Variants in HS6ST3 observed in about 807,000 individuals in gnomAD.
The protein encoded by HS6ST3 is heparan sulfate 6-O-sulfotransferase 3.
In HS6ST3, 12 loss-of-function variants were observed where a neutral mutation model predicts 36.7. The ratio of observed to expected loss-of-function variants is 0.33; its 90% CI spans 0.21 to 0.53. The LOEUF is 0.53. Among genes scored for constraint, HS6ST3 ranks in the 20% least tolerant of loss-of-function variants. The probability of loss-of-function intolerance (pLI) is 0.95; values close to 1 mark genes in which losing one functional copy is unlikely to be tolerated. For synonymous variants in HS6ST3, 240 were observed against 257.5 expected, an observed-to-expected ratio of 0.93 and a Z score of 0.65; for missense variants, 584 against 640.9, an observed-to-expected ratio of 0.91 and a Z score of 0.96.
chr13:96,374,631 T>TCTTTA (rs1240236781), intron 1 of HS6ST3, among the ~76,000 whole-genome samples: 2 of 152,166 alleles, frequency 1.3e-5, no homozygotes, highest in Non-Finnish European at 2.9e-5. Context: ...ATTAGATGTT[T>TCTTTA]GCCATGGGAT....
intron 1 of HS6ST3, among the ~76,000 whole-genome samples, chr13:96,660,450 G>A (rs2056642440): frequency 6.6e-6 from 1 of 152,074 alleles, no homozygotes; most frequent in South Asian, 2.1e-4. Context: ...TCAATAAATG[G>A]TGTTGGGAAA....
intron 1 of HS6ST3, among the ~76,000 whole-genome samples, chr13:96,662,543 TGTG>T (rs752204548): frequency 6.7e-6 from 1 of 150,042 alleles, no homozygotes; most frequent in Non-Finnish European, 1.5e-5. Context: ...TGTGTGTGTG[TGTG>T]TTGGTTTTCA....
chr13:96,132,145 CACACACACACACACACACACACACACAG>C (rs971893766), intron 1 of HS6ST3, among the ~76,000 whole-genome samples: 3 of 145,424 alleles, frequency 2.1e-5, no homozygotes, highest in African/African-American at 8.4e-5. Flanking sequence ...CACACACACA[CACACACACACACACACACACACACACAG>C]AGCGCATTTT....
chr13:96,135,366 A>G (rs61968003), intron 1 of HS6ST3, among the ~76,000 whole-genome samples: 4,139 of 152,344 alleles, frequency 0.027, 68 homozygotes, highest in Non-Finnish European at 0.034. Flanking sequence ...GTAAGAACAC[A>G]CAGTGAATCA....
At chr13:96,652,429 A>T (rs769111725) in intron 1 of HS6ST3, among the ~76,000 whole-genome samples, 21 of 141,532 alleles carry the variant, frequency 1.5e-4, no homozygotes, top group Admixed American at 3.5e-4. Flanking sequence ...TCTTTCCCTC[A>T]TGTCCTTCCC....
At chr13:96,267,657 A>G (rs2054698860) in intron 1 of HS6ST3, among the ~76,000 whole-genome samples, 1 of 151,850 alleles carries the variant, frequency 6.6e-6, no homozygotes, top group Admixed American at 6.6e-5. Context: ...TTATGCTAGT[A>G]TAAACTGTTT....
intron 1 of HS6ST3, among the ~76,000 whole-genome samples, chr13:96,480,724 C>T (rs1452330625): frequency 6.6e-6 from 1 of 152,130 alleles, no homozygotes; most frequent in Non-Finnish European, 1.5e-5. Flanking sequence ...CTTCTGCCGT[C>T]TTAGTGTTAT....
At chr13:96,406,495 G>A (rs2055479072) in intron 1 of HS6ST3, among the ~76,000 whole-genome samples, 1 of 152,134 alleles carries the variant, frequency 6.6e-6, no homozygotes, top group Admixed American at 6.5e-5. Flanking sequence ...TCTTGCATTG[G>A]AACTTTGGAA....
chr13:96,674,960 A>G (rs2056694225), intron 1 of HS6ST3, among the ~76,000 whole-genome samples: 1 of 152,168 alleles, frequency 6.6e-6, no homozygotes, highest in Admixed American at 6.6e-5. Flanking sequence ...AGATAAATGC[A>G]TGGCTTTCAC....
At chr13:96,722,130 C>T (rs1220980347) in intron 1 of HS6ST3, among the ~76,000 whole-genome samples, 1 of 152,070 alleles carries the variant, frequency 6.6e-6, no homozygotes, top group Non-Finnish European at 1.5e-5. Context: ...GCCAGGCGTG[C>T]TGGTGGGTGC....
intron 1 of HS6ST3, among the ~76,000 whole-genome samples, chr13:96,646,268 G>A (rs1347351754): frequency 6.6e-6 from 1 of 151,958 alleles, no homozygotes; most frequent in Non-Finnish European, 1.5e-5. Flanking sequence ...GAATGCCAGT[G>A]CTGGGAAATG....
chr13:96,495,453 A>T (rs1307094176), intron 1 of HS6ST3, among the ~76,000 whole-genome samples: 1 of 152,200 alleles, frequency 6.6e-6, no homozygotes, highest in Non-Finnish European at 1.5e-5. Context: ...AGTGCTTTAA[A>T]CACTGAGAGT....
intron 1 of HS6ST3, among the ~76,000 whole-genome samples, chr13:96,295,958 T>A (rs768603829): frequency 3.3e-5 from 5 of 152,156 alleles, no homozygotes; most frequent in South Asian, 2.1e-4. Context: ...TATTATCAAA[T>A]CTTTGAGATA....
intron 1 of HS6ST3, among the ~76,000 whole-genome samples, chr13:96,540,419 G>C (rs930117003): frequency 1.3e-5 from 2 of 151,964 alleles, no homozygotes; most frequent in African/African-American, 4.8e-5. Flanking sequence ...TCTTTTGCTT[G>C]CTTAACTTGT....
intron 1 of HS6ST3, among the ~76,000 whole-genome samples, chr13:96,562,696 A>C (rs150185369): frequency 1.3e-5 from 2 of 152,236 alleles, no homozygotes; most frequent in East Asian, 3.9e-4. Context: ...TAAAAAAATC[A>C]TTTCTAGCAA....
chr13:96,713,595 T>C (rs1183371940), intron 1 of HS6ST3, among the ~76,000 whole-genome samples: 1 of 152,184 alleles, frequency 6.6e-6, no homozygotes, highest in Non-Finnish European at 1.5e-5. Context: ...AAATAAAATA[T>C]ATTTTCAAGG....
chr13:96,183,811 A>G (rs965463449), intron 1 of HS6ST3, among the ~76,000 whole-genome samples: 4 of 152,198 alleles, frequency 2.6e-5, no homozygotes, highest in African/African-American at 9.7e-5. Context: ...ATGAAGTTTC[A>G]GTTTTGCAAG....
chr13:96,677,618 A>G (rs1333178256), intron 1 of HS6ST3, among the ~76,000 whole-genome samples: 1 of 152,154 alleles, frequency 6.6e-6, no homozygotes, highest in Non-Finnish European at 1.5e-5. Flanking sequence ...AAAAGATTAA[A>G]TATCATTTTT....
At chr13:96,248,837 G>A (rs188150861) in intron 1 of HS6ST3, among the ~76,000 whole-genome samples, 604 of 152,246 alleles carry the variant, frequency 4.0e-3, no homozygotes, top group Admixed American at 6.3e-3. Context: ...TCTATTCTAA[G>A]CAAGCACATA....
Sources: allele counts gnomAD v4.1 joint callset (sites outside exome capture counted in the v4.1 genomes callset), GRCh38; gene constraint gnomAD v4.1.1; transcripts MANE v1.5; gene names NCBI Gene and HGNC (gene_info 2026-07-23, HGNC 2026-07-21).